LPP: variants seen among roughly 807,000 people sequenced by gnomAD.
LPP encodes lipoma-preferred partner.
A neutral mutation model predicts 60.4 loss-of-function variants in LPP; 38 were observed. The ratio of observed to expected loss-of-function variants is 0.63; its 90% CI spans 0.49 to 0.83. LPP has a LOEUF of 0.83. Among genes scored for constraint, LPP ranks in the 40% least tolerant of loss-of-function variants. The pLI, the probability that LPP is intolerant of heterozygous loss-of-function variation, is 0.00. For missense variants in LPP, 902 were observed against 783.6 expected, an observed-to-expected ratio of 1.15 and a Z score of -1.80; for synonymous variants, 328 against 290.8, an observed-to-expected ratio of 1.13 and a Z score of -1.30.
chr3:188,718,400 A>C (rs1158585834), intron 8 of LPP, among the ~76,000 whole-genome samples: 1 of 152,224 alleles, frequency 6.6e-6, no homozygotes, highest in Admixed American at 6.5e-5. Context: ...CAGACCGTAG[A>C]TCCACCTTAT....
intron 1 of LPP, among the ~76,000 whole-genome samples, chr3:188,203,390 A>ATAT (rs1731704359): frequency 1.2e-5 from 1 of 86,414 alleles, no homozygotes; most frequent in African/African-American, 4.4e-5. Flanking sequence ...ATATTTATAT[A>ATAT]TTAATATATA....
chr3:188,236,544 T>C (rs1721992781), intron 2 of LPP, among the ~76,000 whole-genome samples: 1 of 152,114 alleles, frequency 6.6e-6, no homozygotes, highest in African/African-American at 2.4e-5. Context: ...CAGTAAGACA[T>C]ACATGAGAGA....
chr3:188,505,434 A>G (rs1398898867), intron 5 of LPP, among the ~76,000 whole-genome samples: 1 of 151,752 alleles, frequency 6.6e-6, no homozygotes, highest in Non-Finnish European at 1.5e-5. Context: ...AGATGTCACT[A>G]CTCTAATAAG....
At chr3:188,203,612 T>C (rs1296425730) in intron 1 of LPP, among the ~76,000 whole-genome samples, 1 of 118,056 alleles carries the variant, frequency 8.5e-6, no homozygotes, top group Non-Finnish European at 1.6e-5. Context: ...TAAATATATA[T>C]TTAAATATAT....
intron 7 of LPP, among the ~76,000 whole-genome samples, chr3:188,690,828 T>C (rs1284302778): frequency 6.6e-6 from 1 of 152,178 alleles, no homozygotes; most frequent in Non-Finnish European, 1.5e-5. Flanking sequence ...TTAATTTTCA[T>C]GGGCCTCTAT....
In LPP at chr3:188,577,093, C is replaced by A. The variant is rs537328563; in HGVS notation, c.430-32068C>A. On this transcript the variant is annotated intron_variant, in intron 6 of 11. Coordinates refer to ENST00000617246, the MANE Select transcript of LPP (RefSeq NM_001375462.1). ...GAAGTGGCAAAGTGGCAATAATCCCCTGTAAGACAGTAGCTGTTTTTAAGA... is the reference window on the plus strand; with the variant it reads ...GAAGTGGCAAAGTGGCAATAATCCCATGTAAGACAGTAGCTGTTTTTAAGA... 3.9e-5 allele frequency among the ~76,000 whole-genome samples: 6 copies of A among 152,252 alleles called. No homozygotes were observed. In the South Asian group the frequency reaches 8.3e-4, roughly 21 times the overall value.
chr3:188,522,913 T>C (rs868193373), intron 5 of LPP, among the ~76,000 whole-genome samples: 33 of 151,302 alleles, frequency 2.2e-4, no homozygotes, highest in African/African-American at 7.5e-4. Flanking sequence ...TATACATATA[T>C]GTATGTATGT....
chr3:188,497,288 G>A (rs1013477544), intron 5 of LPP, among the ~76,000 whole-genome samples: 4 of 152,158 alleles, frequency 2.6e-5, no homozygotes, highest in African/African-American at 4.8e-5. Flanking sequence ...GTGTCTAGCC[G>A]TAGAGGTGGT....
intron 1 of LPP, among the ~76,000 whole-genome samples, chr3:188,187,610 A>G (rs1454383715): frequency 3.3e-5 from 5 of 151,952 alleles, no homozygotes; most frequent in African/African-American, 1.2e-4. Flanking sequence ...TGTCTTCTTC[A>G]AGTTCCAGCA....
At chr3:188,615,197 A>G (rs1844617494) in intron 7 of LPP, among the ~76,000 whole-genome samples, 1 of 152,216 alleles carries the variant, frequency 6.6e-6, no homozygotes, top group Non-Finnish European at 1.5e-5. Context: ...CTGGATTTCT[A>G]GTTTTATCTC....
chr3:188,636,978 C>A lies in LPP; in HGVS notation c.1113+27134C>A, dbSNP rs567803050. ...ACGAGACAGAAAGTCAACAAGGATA[C>A]CCAGGAATTGAACTCAGCTCTGCAC... is the stretch of plus-strand genomic sequence containing the variant. On this transcript the variant is annotated intron_variant, in intron 7 of 11. Transcript: ENST00000617246. Among the ~76,000 whole-genome samples the A allele has an allele frequency of 5.3e-3, 693 of 131,316 alleles. 52 individuals carry two copies. Among genetic ancestry groups the A allele is most frequent in the Non-Finnish European group, 8.9e-3 (541 of 60,548 alleles). 86.1% of individuals were successfully genotyped at this position (131,316 alleles called of 152,430 possible). A position where few individuals can be genotyped will look rare whatever the true frequency, so the allele number is the denominator to read the frequency against.
intron 5 of LPP, among the ~76,000 whole-genome samples, chr3:188,490,159 G>GGA (rs956963364): frequency 1.3e-5 from 2 of 152,180 alleles, no homozygotes; most frequent in African/African-American, 2.4e-5. Context: ...GACCAGGCCA[G>GGA]GAGAGAGATA....
chr3:188,153,566 CAA>C (rs932826771), upstream of LPP: 1 of 152,434 alleles, frequency 6.6e-6, no homozygotes, highest in African/African-American at 2.4e-5. Context: ...CTAGCAGGGG[CAA>C]AGTCTCCACA....
intron 1 of LPP, chr3:188,179,793 C>T (rs949747052): frequency 2.3e-5 from 7 of 305,954 alleles, no homozygotes; most frequent in Non-Finnish European, 4.5e-5. Context: ...GCCTTTCTTC[C>T]TCTTCCTCCT....
rs35855584 is a variant in LPP at position 188,881,891 on chromosome 3, C to G, written c.*7412C>G. The stretch of plus-strand genomic sequence containing the variant: ...TTGCTGGTTGATTGATTTCGAGATT[C>G]ATTCATTCTGTGCTCAAATATTTGT... On this transcript the variant is annotated 3_prime_UTR_variant, in exon 12 of 12. Coordinates refer to ENST00000617246, the MANE Select transcript of LPP (RefSeq NM_001375462.1). 8,329 of 216,672 alleles carry G rather than the reference C, an allele frequency of 0.038. 180 individuals carry two copies. Among genetic ancestry groups the G allele is most frequent in the Non-Finnish European group, 0.051 (5,474 of 107,634 alleles). 13.4% of individuals were successfully genotyped at this position (216,672 alleles called of 1,614,324 possible).
At chr3:188,461,447 A>G (rs1225123704) in intron 4 of LPP, among the ~76,000 whole-genome samples, 1 of 152,192 alleles carries the variant, frequency 6.6e-6, no homozygotes, top group Non-Finnish European at 1.5e-5. Context: ...ACCTTTTACA[A>G]TATACGTATC....
At chr3:188,485,651 G>C (rs9831863) in intron 5 of LPP, among the ~76,000 whole-genome samples, 1 of 151,238 alleles carries the variant, frequency 6.6e-6, no homozygotes, top group Non-Finnish European at 1.5e-5. Context: ...CAAAAAATTA[G>C]CCGGGCGTAG....
At chr3:188,242,913 G>A (rs532193640) in intron 2 of LPP, among the ~76,000 whole-genome samples, 8 of 152,172 alleles carry the variant, frequency 5.3e-5, no homozygotes, top group Admixed American at 4.6e-4. Flanking sequence ...AATGAAAAAT[G>A]AAAACAAGGG....
At chr3:188,515,287 C>G (rs1334274425) in intron 5 of LPP, among the ~76,000 whole-genome samples, 2 of 152,056 alleles carry the variant, frequency 1.3e-5, no homozygotes, top group East Asian at 1.9e-4. Context: ...GTACCTCTCC[C>G]CAAGCCTTGT....
Sources: allele counts gnomAD v4.1 joint callset (sites outside exome capture counted in the v4.1 genomes callset), GRCh38; gene constraint gnomAD v4.1.1; transcripts MANE v1.5; gene names NCBI Gene and HGNC (gene_info 2026-07-23, HGNC 2026-07-21).